XPO1: variants seen among roughly 807,000 people sequenced by gnomAD.
The protein encoded by XPO1 is exportin 1.
Under a neutral mutation model 133.3 loss-of-function variants are expected in XPO1, and 5 were observed. That is an observed-to-expected ratio of 0.04 (90% CI 0.02 to 0.08). The LOEUF is 0.08. Ranked by LOEUF, XPO1 falls within the 10% of genes least tolerant of loss-of-function variation. The pLI, the probability that XPO1 is intolerant of heterozygous loss-of-function variation, is 1.00. For synonymous variants in XPO1, 419 were observed against 408.2 expected (o/e 1.03, Z -0.32); for missense variants, 506 against 1,267.5 (o/e 0.40, Z 9.12).
At chr2:61,521,892 CCCG>C (rs1698711152) in intron 4 of XPO1, among the ~76,000 whole-genome samples, 1 of 151,184 alleles carries the variant, frequency 6.6e-6, no homozygotes, top group Non-Finnish European at 1.5e-5. Flanking sequence ...TACCCCTGTC[CCCG>C]CCGCCACCTG....
At chr2:61,518,417 AACACACACACACACAC>A (rs200566050) in intron 4 of XPO1, among the ~76,000 whole-genome samples, 35,338 of 124,314 alleles carry the variant, frequency 0.28, 5,073 homozygotes, top group East Asian at 0.49. Flanking sequence ...CAAAAAACAA[AACACACACACACACAC>A]ACACACACAC....
chr2:61,526,031 A>C (rs546135683), intron 3 of XPO1: 1 of 1,070,646 alleles, frequency 9.3e-7, no homozygotes, highest in Non-Finnish European at 1.1e-6. Flanking sequence ...GTAGGGTTTT[A>C]AGCTGTCCAC....
In XPO1 at chr2:61,492,890, A is replaced by G; in HGVS notation, c.1384+25T>C. The G allele has an allele frequency of 6.3e-7, 1 of 1,579,182 alleles. No individual in the cohort carries two copies. The highest frequency in any genetic ancestry group is 1.7e-4 in the Middle Eastern group (1 of 5,912). On this transcript the variant is annotated intron_variant, in intron 13 of 24. Coordinates refer to ENST00000401558, the MANE Select transcript of XPO1 (RefSeq NM_003400.4). This position sits in a 1 kb window ranked among gnomAD's most constrained non-coding sequence, Gnocchi z 5.6. ...CCCCAGAATAGATTTATAAAGGTAAAGATTAACAGTATTTATTAACTTACC... is the reference window on the plus strand; with the variant it reads ...CCCCAGAATAGATTTATAAAGGTAAGGATTAACAGTATTTATTAACTTACC...
chr2:61,494,426 C>T (rs1382598485), intron 11 of XPO1: 1 of 208,430 alleles, frequency 4.8e-6, no homozygotes, highest in East Asian at 1.4e-4. Context: ...AAACAAAATA[C>T]TGAATATTCA....
chr2:61,526,342 C>T lies in XPO1; in HGVS notation c.228+78G>A, dbSNP rs192006388. On this transcript the variant is annotated intron_variant, in intron 3 of 24. Transcript: ENST00000401558. ...TAATTTGAGATAACAAATGCTAATACTAAAAATGAGATACCTTCCTCAAAG... is the reference window on the plus strand; with the variant it reads ...TAATTTGAGATAACAAATGCTAATATTAAAAATGAGATACCTTCCTCAAAG... The T allele has an allele frequency of 3.0e-5, 45 of 1,512,006 alleles. No homozygotes were observed. In the Admixed American group the frequency reaches 4.3e-4, roughly 14 times the overall value. The allele number at this position is 1,512,006 out of a possible 1,614,324, so 93.7% of individuals were successfully genotyped here.
At chr2:61,489,779 C>G (rs1696880271) in intron 17 of XPO1, among the ~76,000 whole-genome samples, 1 of 152,066 alleles carries the variant, frequency 6.6e-6, no homozygotes, top group Non-Finnish European at 1.5e-5. Context: ...TGGTCTCGAT[C>G]CCCTGACCTG....
At chr2:61,517,261 A>C (rs1698438892) in intron 4 of XPO1, among the ~76,000 whole-genome samples, 1 of 152,214 alleles carries the variant, frequency 6.6e-6, no homozygotes, top group Non-Finnish European at 1.5e-5. Flanking sequence ...ATAAAGAATC[A>C]ACACCACTGG....
chr2:61,492,502 T>C lies in XPO1; in HGVS notation c.1567-21A>G. 1.3e-6 allele frequency: 2 copies of C among 1,588,828 alleles called. No individual in the cohort carries two copies. The highest frequency in any genetic ancestry group is 3.7e-5 in the Admixed American group (2 of 53,608). On this transcript the variant is annotated intron_variant, in intron 14 of 24. Coordinates refer to ENST00000401558, the MANE Select transcript of XPO1 (RefSeq NM_003400.4). The surrounding 1 kb of genome is among the most constrained non-coding windows in gnomAD (Gnocchi z 5.6). ...AGATCCTGTAAATAAGACAAATTTG[T>C]ATTATTTATTGTAACAACATAATAC...
chr2:61,488,165 C>G lies in XPO1; in HGVS notation c.2313G>C (p.Met771Ile). Residue 771 changes from methionine (M) to isoleucine (I), a missense_variant and splice_region_variant, in exon 19 of 25, where the codon ATG becomes ATC. By Grantham distance (10) the Met-to-Ile change is conservative (BLOSUM62 1). This residue lies in a region of XPO1 where 203 missense variants were observed against 365.9 expected (regional missense o/e 0.55). Coordinates refer to ENST00000401558, the MANE Select transcript of XPO1 (RefSeq NM_003400.4). ...GWVSRSNDPQMVAENFVPPLL... is the reference protein window; with the variant it reads ...GWVSRSNDPQIVAENFVPPLL... ...CAAAAGCAAAGCATCTCTCACTTAC[C>G]ATCTGTGGATCATTGGATCGGCTCA... 1 of 1,613,240 alleles carries G rather than the reference C, an allele frequency of 6.2e-7. No individual in the cohort carries two copies. Among genetic ancestry groups the G allele is most frequent in the Non-Finnish European group, 8.5e-7 (1 of 1,179,318 alleles).
intron 4 of XPO1, among the ~76,000 whole-genome samples, chr2:61,513,894 A>G (rs1484798205): frequency 6.6e-6 from 1 of 152,166 alleles, no homozygotes; most frequent in Non-Finnish European, 1.5e-5. Flanking sequence ...AAAACTGGGC[A>G]AAATTGGCGG....
In XPO1 at chr2:61,488,152, A is replaced by ATCTC; in HGVS notation, c.2313+9_2313+12dup. 1 of 1,608,970 alleles carries ATCTC rather than the reference A, an allele frequency of 6.2e-7. No individual in the cohort carries two copies. Among genetic ancestry groups the ATCTC allele is most frequent in the South Asian group, 1.1e-5 (1 of 90,964 alleles). On this transcript the variant is annotated intron_variant, in intron 19 of 24. Coordinates refer to ENST00000401558, the MANE Select transcript of XPO1 (RefSeq NM_003400.4). ...CAACACTAGAAATCAAAAGCAAAGC[A>ATCTC]TCTCTCACTTACCATCTGTGGATCA...
chr2:61,512,415 A>G (rs1296639684), intron 4 of XPO1, among the ~76,000 whole-genome samples: 1 of 152,204 alleles, frequency 6.6e-6, no homozygotes, highest in Non-Finnish European at 1.5e-5. Context: ...AACACCACAC[A>G]TACAGGGAAA....
In XPO1 at chr2:61,492,552, C is replaced by G. The variant is rs771270580; in HGVS notation, c.1566+15G>C. 6.2e-7 allele frequency: 1 copy of G among 1,604,466 alleles called. No homozygotes were observed. ...CTTATTTAGCAATTCTAATTCATAC[C>G]TATCCCTTGCATACCTTTATAACAG... On this transcript the variant is annotated intron_variant, in intron 14 of 24. Coordinates refer to ENST00000401558, the MANE Select transcript of XPO1 (RefSeq NM_003400.4). The surrounding 1 kb of genome is among the most constrained non-coding windows in gnomAD (Gnocchi z 5.6).
Position 61,499,758 on chromosome 2 carries a change from G to A in XPO1, c.545C>T (p.Ser182Phe), listed in dbSNP as rs778675698. The A allele has an allele frequency of 6.2e-7, 1 of 1,609,530 alleles. No homozygotes were observed. Among genetic ancestry groups the A allele is most frequent in the Non-Finnish European group, 8.5e-7 (1 of 1,179,210 alleles). ...KLLSEEVFDF[S>F]SGQITQVKSK... ...TTTGACTTGGGTTATCTGTCCACTAGAGAAATCAAATACTTCTTCACTCAA... is the reference window on the plus strand; with the variant it reads ...TTTGACTTGGGTTATCTGTCCACTAAAGAAATCAAATACTTCTTCACTCAA... Residue 182 changes from serine to phenylalanine, a missense_variant, in exon 7 of 25, where the codon TCT becomes TTT. Physicochemically the swap from Ser to Phe is radical, Grantham distance 155. Transcript: ENST00000401558.
intron 19 of XPO1, among the ~76,000 whole-genome samples, chr2:61,486,784 T>G (rs1696716735): frequency 6.6e-6 from 1 of 152,080 alleles, no homozygotes; most frequent in Admixed American, 6.6e-5. Flanking sequence ...TCAATTACTC[T>G]CAGAAAATAA....
rs774963122 is a variant in XPO1 at position 61,493,868 on chromosome 2, G to C, written c.1245+26C>G. The C allele has an allele frequency of 4.3e-6, 7 of 1,612,008 alleles. No individual in the cohort carries two copies. The African/African-American group carries it at 9.3e-5, about 22-fold the overall frequency. The stretch of plus-strand genomic sequence containing the variant: ...TCAAAACCACAGTATGCAACAGGAA[G>C]AACACTCAACCAACCGCTCTGTTAC... On this transcript the variant is annotated intron_variant, in intron 12 of 24. Coordinates refer to ENST00000401558, the MANE Select transcript of XPO1 (RefSeq NM_003400.4).
In XPO1 at chr2:61,490,705, C is replaced by CAAG. The variant is rs1428708059; in HGVS notation, c.1956_1958dup (p.His652_Leu653insPhe). On this transcript the variant is annotated inframe_insertion, in exon 17 of 25. Transcript: ENST00000401558. ...TAGGGAGTAACATGTACTTTTCTAT[C>CAAG]AAGTGTTCTTGTACTGTTTGATCTG... The CAAG allele has an allele frequency of 6.2e-7, 1 of 1,614,078 alleles. No individual in the cohort carries two copies. Among genetic ancestry groups the CAAG allele is most frequent in the Non-Finnish European group, 8.5e-7 (1 of 1,180,044 alleles).
chr2:61,537,511 C>G (rs995710), intron 1 of XPO1, 51 bp downstream of exon 1: 2 of 148,308 alleles, frequency 1.3e-5, no homozygotes, highest in Non-Finnish European at 3.0e-5. Context: ...CTCCCGCCCG[C>G]CCGGCCGCGC....
In XPO1 at chr2:61,502,581, T is replaced by C. The variant is rs544749214; in HGVS notation, c.302-271A>G. 6.6e-3 allele frequency: 1,862 copies of C among 281,280 alleles called. 13 individuals are homozygous for C. Among genetic ancestry groups the C allele is most frequent in the Non-Finnish European group, 9.5e-3 (1,394 of 147,370 alleles). The allele number at this position is 281,280 out of a possible 1,614,324, so 17.4% of individuals were successfully genotyped here. ...CAGCATGACCAACATGGTGAAACCC[T>C]GTCTCTACTAAAAATACAAAAATTA... On this transcript the variant is annotated intron_variant, in intron 4 of 24. Transcript: ENST00000401558.
Sources: gnomAD v4.1 joint callset for allele counts (sites outside exome capture counted in the v4.1 genomes callset) on GRCh38, gnomAD v4.1.1 for gene constraint, gnomAD v4.1.1 regional missense constraint, Gnocchi (gnomAD v3.1) non-coding constraint, MANE v1.5 for transcripts, NCBI Gene and HGNC (gene_info 2026-07-23, HGNC 2026-07-21) for gene names.